The following SCAMP4 variants were observed in gnomAD, a reference collection of about 807,000 sequenced individuals.
SCAMP4 encodes secretory carrier-associated membrane protein 4.
A neutral mutation model predicts 32.1 loss-of-function variants in SCAMP4; 19 were observed. That is an observed-to-expected ratio of 0.59 (90% CI 0.41 to 0.87). SCAMP4 has a LOEUF of 0.87. Among genes scored for constraint, SCAMP4 ranks in the 40% least tolerant of loss-of-function variants. SCAMP4 has a pLI of 0.00. For synonymous variants in SCAMP4, 152 were observed against 132.7 expected, an observed-to-expected ratio of 1.15 and a Z score of -1.00; for missense variants, 302 against 309.0, an observed-to-expected ratio of 0.98 and a Z score of 0.17.
At position 1,915,279 on chromosome 19, in the gene SCAMP4, C is replaced by A. The variant is rs369687845; in HGVS notation, c.7+253C>A. The stretch of plus-strand genomic sequence containing the variant: ...AGCACAGCCCAGCCGGGTGCCCCTG[C>A]CATCACAGCTGCTCTTTCCTTATAG... On this transcript the variant is annotated intron_variant, in intron 2 of 6. Transcript: ENST00000316097. Among the ~76,000 whole-genome samples the A allele has an allele frequency of 2.3e-3, 353 of 152,344 alleles. 1 individual carries two copies. The highest frequency in any genetic ancestry group is 7.8e-3 in the African/African-American group (323 of 41,596).
chr19:1,914,463 G>A, intron 1 of SCAMP4: 1 of 176,422 alleles, frequency 5.7e-6, no homozygotes, highest in Non-Finnish European at 1.2e-5. Flanking sequence ...CTGCTGGGCT[G>A]GCCCACCTCC....
chr19:1,924,368 C>A lies in SCAMP4; in HGVS notation c.*84C>A. The A allele has an allele frequency of 7.2e-7, 1 of 1,382,866 alleles. No individual in the cohort carries two copies. The highest frequency in any genetic ancestry group is 9.8e-7 in the Non-Finnish European group (1 of 1,020,794). 85.7% of individuals were successfully genotyped at this position (1,382,866 alleles called of 1,614,324 possible). ...CCCTGGTCCCGAGGGCTGGGAGTAC[C>A]TGGGGCCCCATCCCCCCAGCTGGGA... On this transcript the variant is annotated 3_prime_UTR_variant, in exon 7 of 7. Coordinates refer to ENST00000316097, the MANE Select transcript of SCAMP4 (RefSeq NM_079834.4).
chr19:1,916,942 C>T, intron 2 of SCAMP4, among the ~76,000 whole-genome samples: 1 of 152,236 alleles, frequency 6.6e-6, no homozygotes, highest in Non-Finnish European at 1.5e-5. Flanking sequence ...CGCACCCACA[C>T]TAAACATGGA....
At chr19:1,922,265 GTTTT>G in intron 5 of SCAMP4, 2 of 985,216 alleles carry the variant, frequency 2.0e-6, no homozygotes, top group Non-Finnish European at 2.4e-6. Context: ...GCTTTCCCTC[GTTTT>G]TTTATTTTGA....
chr19:1,912,108 C>G, intron 1 of SCAMP4: 1 of 1,521,102 alleles, frequency 6.6e-7, no homozygotes. Flanking sequence ...GGAGCCCGCC[C>G]CGGGCCTCGT....
Position 1,921,042 on chromosome 19 carries a change from C to G in SCAMP4, c.396-2028C>G. 3 of 985,452 alleles carry G rather than the reference C, an allele frequency of 3.0e-6. No homozygotes were observed. In the South Asian group the frequency reaches 1.4e-4, roughly 46 times the overall value. 61.0% of individuals were successfully genotyped at this position (985,452 alleles called of 1,614,324 possible). A position where few individuals can be genotyped will look rare whatever the true frequency, so the allele number is the denominator to read the frequency against. ...CTCTTGAGAAAGAAACCCAGCGGGTCTTAGGAGAGCCCGGCCCCCCTTGTA... is the reference window on the plus strand; with the variant it reads ...CTCTTGAGAAAGAAACCCAGCGGGTGTTAGGAGAGCCCGGCCCCCCTTGTA... On this transcript the variant is annotated intron_variant, in intron 5 of 6. Transcript: ENST00000316097.
chr19:1,916,335 C>T (rs2013733115), intron 2 of SCAMP4, among the ~76,000 whole-genome samples: 1 of 152,090 alleles, frequency 6.6e-6, no homozygotes, highest in Non-Finnish European at 1.5e-5. Flanking sequence ...CGCTGGGATC[C>T]CCCAGAAGCT....
At chr19:1,913,730 A>G (rs1471066505) in intron 1 of SCAMP4, among the ~76,000 whole-genome samples, 2 of 152,206 alleles carry the variant, frequency 1.3e-5, no homozygotes, top group African/African-American at 2.4e-5. Context: ...GTCCTTCACA[A>G]GTGGCAACAG....
At position 1,918,045 on chromosome 19, in the gene SCAMP4, G is replaced by A. The variant is rs2013791448; in HGVS notation, c.137-82G>A. The A allele has an allele frequency of 4.6e-6, 7 of 1,515,186 alleles. No individual in the cohort carries two copies. The East Asian group carries it at 6.8e-5, about 15-fold the overall frequency. 93.9% of individuals were successfully genotyped at this position (1,515,186 alleles called of 1,614,324 possible). Reference sequence around the variant, plus strand: ...TCACTGGGCTGGGGAGGCGGACAGCGGGTGCCCCATTGCTGGGCCCATGCT... The same window carrying A: ...TCACTGGGCTGGGGAGGCGGACAGCAGGTGCCCCATTGCTGGGCCCATGCT... On this transcript the variant is annotated intron_variant, in intron 3 of 6. Coordinates refer to ENST00000316097, the MANE Select transcript of SCAMP4 (RefSeq NM_079834.4).
Position 1,923,195 on chromosome 19 carries a change from C to T in SCAMP4, c.513+8C>T, listed in dbSNP as rs1447271708. 2.6e-6 allele frequency: 4 copies of T among 1,544,874 alleles called. No homozygotes were observed. The highest frequency in any genetic ancestry group is 3.5e-6 in the Non-Finnish European group (4 of 1,142,806). ...GCCATCGCGATCATGAAGGTGAGTC[C>T]TCGGCTTTGTGACGTCCAGCCCTTA... On this transcript the variant is annotated splice_region_variant and intron_variant, in intron 6 of 6. Transcript: ENST00000316097.
At chr19:1,913,302 T>C in intron 1 of SCAMP4, 2 of 1,217,500 alleles carry the variant, frequency 1.6e-6, no homozygotes, top group Non-Finnish European at 1.1e-6. Flanking sequence ...CTGCCTTCCG[T>C]GCGGATCGAG....
At position 1,908,722 on chromosome 19, in the gene SCAMP4, C is replaced by T. The variant is rs2145425914; in HGVS notation, c.-42+3283C>T. 2.6e-6 allele frequency: 1 copy of T among 386,716 alleles called. No homozygotes were observed. Among genetic ancestry groups the T allele is most frequent in the East Asian group, 7.2e-5 (1 of 13,884 alleles). 24.0% of individuals were successfully genotyped at this position (386,716 alleles called of 1,614,324 possible). A position where few individuals can be genotyped will look rare whatever the true frequency, so the allele number is the denominator to read the frequency against. ...CTATCTTGCCCACGTTGGTCTCAAA[C>T]TCCTGTGCTTAAGTGATCCTCTCGC... On this transcript the variant is annotated intron_variant, in intron 1 of 6. Transcript: ENST00000316097. This position sits in a 1 kb window ranked among gnomAD's most constrained non-coding sequence, Gnocchi z 4.2.
In SCAMP4 at chr19:1,925,930, C is replaced by G. The variant is rs1376211806; in HGVS notation, c.*1646C>G. The G allele has an allele frequency of 3.3e-5, 5 of 152,172 alleles. No individual in the cohort carries two copies. The highest frequency in any genetic ancestry group is 1.2e-4 in the African/African-American group (5 of 41,424). 9.4% of individuals were successfully genotyped at this position (152,172 alleles called of 1,614,324 possible). On this transcript the variant is annotated 3_prime_UTR_variant, in exon 7 of 7. Transcript: ENST00000316097. ...GCCCAACCCCCCCCCACCCCTCCCC[C>G]GCCGTGTGTGGCCCCTCGCCGCATC...
In SCAMP4 at chr19:1,908,403, A is replaced by G. The variant is rs1003680349; in HGVS notation, c.-42+2964A>G. On this transcript the variant is annotated intron_variant, in intron 1 of 6. Transcript: ENST00000316097. The surrounding 1 kb of genome is among the most constrained non-coding windows in gnomAD (Gnocchi z 4.2). ...CATCTGTGGGGCGCCCCGGCGGCTG[A>G]GGCGTGGACCAGGCAGTGCATGTCG... The G allele has an allele frequency of 1.6e-5, 7 of 428,992 alleles. No individual in the cohort carries two copies. The highest frequency in any genetic ancestry group is 1.1e-4 in the Admixed American group (4 of 37,872). 26.6% of individuals were successfully genotyped at this position (428,992 alleles called of 1,614,324 possible).
chr19:1,913,292 C>G (rs143913724), intron 1 of SCAMP4: 4 of 1,273,968 alleles, frequency 3.1e-6, no homozygotes, highest in Non-Finnish European at 4.2e-6. Flanking sequence ...AGCACGGGTG[C>G]TGCCTTCCGT....
chr19:1,916,866 G>A (rs1466807445), intron 2 of SCAMP4, among the ~76,000 whole-genome samples: 1 of 152,230 alleles, frequency 6.6e-6, no homozygotes, highest in African/African-American at 2.4e-5. Context: ...GACTCGGCCT[G>A]CTGAGCCTGC....
intron 1 of SCAMP4, chr19:1,912,293 G>GCAC: frequency 6.4e-7 from 1 of 1,571,248 alleles, no homozygotes; most frequent in Non-Finnish European, 8.6e-7. Flanking sequence ...TGTCGGCCCT[G>GCAC]CACCCGCTCC....
chr19:1,922,527 G>A (rs186804557), intron 5 of SCAMP4: 784 of 985,344 alleles, frequency 8.0e-4, no homozygotes, highest in Middle Eastern at 4.2e-3. Flanking sequence ...AAGCCTCTGC[G>A]CCCGGCCTCC....
intron 2 of SCAMP4, chr19:1,915,300 T>C (rs768155117): frequency 7.1e-6 from 4 of 561,856 alleles, no homozygotes; most frequent in Non-Finnish European, 9.6e-6. Flanking sequence ...GCTCTTTCCT[T>C]ATAGCAGCGG....
Sources: gnomAD v4.1 joint callset for allele counts (sites outside exome capture counted in the v4.1 genomes callset) on GRCh38, gnomAD v4.1.1 for gene constraint, Gnocchi (gnomAD v3.1) non-coding constraint, MANE v1.5 for transcripts, NCBI Gene and HGNC (gene_info 2026-07-23, HGNC 2026-07-21) for gene names.